The following C12orf42 variants were observed in gnomAD, a reference collection of about 807,000 sequenced individuals.
C12orf42 encodes uncharacterized protein C12orf42.
Under a neutral mutation model 21.6 loss-of-function variants are expected in C12orf42, and 25 were observed. That is an observed-to-expected ratio of 1.16 (90% confidence interval 0.84 to 1.62). The LOEUF is 1.62. Ranked by LOEUF, C12orf42 falls within the 40% of genes most tolerant of loss-of-function variation. The pLI, the probability that C12orf42 is intolerant of heterozygous loss-of-function variation, is 0.00. For missense variants in C12orf42, 483 were observed against 459.3 expected (o/e 1.05, Z -0.47); for synonymous variants, 174 against 175.0 (o/e 0.99, Z 0.05).
At chr12:103,186,105 GA>G in the C12orf42 span, among the ~76,000 whole-genome samples, 1 of 152,146 alleles carries the variant, frequency 6.6e-6, no homozygotes, top group Non-Finnish European at 1.5e-5. Flanking sequence ...ACATACAAAA[GA>G]AGTTATTAAT....
chr12:103,071,607 G>C, the C12orf42 span, among the ~76,000 whole-genome samples: 1 of 152,126 alleles, frequency 6.6e-6, no homozygotes, highest in Non-Finnish European at 1.5e-5. Context: ...TCTCATGGTA[G>C]TGAATAAGTC....
chr12:103,523,594 C>G, the C12orf42 span, among the ~76,000 whole-genome samples: 1 of 150,222 alleles, frequency 6.7e-6, no homozygotes, highest in South Asian at 2.1e-4. Flanking sequence ...TATATATATA[C>G]AGTTCATATA....
At chr12:103,216,402 G>A in the C12orf42 span, among the ~76,000 whole-genome samples, 1 of 148,258 alleles carries the variant, frequency 6.7e-6, no homozygotes, top group Non-Finnish European at 1.5e-5. Flanking sequence ...ACAGAGTCTC[G>A]CTCTGTCACC....
the C12orf42 span, among the ~76,000 whole-genome samples, chr12:103,526,238 T>C: frequency 6.6e-6 from 1 of 152,184 alleles, no homozygotes; most frequent in Non-Finnish European, 1.5e-5. Flanking sequence ...GAAGAAATAA[T>C]ATAATCTTCA....
intron 10 of C12orf42, among the ~76,000 whole-genome samples, chr12:103,246,923 G>A (rs1247625848): frequency 6.6e-6 from 1 of 151,890 alleles, no homozygotes; most frequent in African/African-American, 2.4e-5. Context: ...ATTCCTAGCA[G>A]GTATGCTTCA....
chr12:103,511,307 C>G, the C12orf42 span, among the ~76,000 whole-genome samples: 1 of 151,098 alleles, frequency 6.6e-6, no homozygotes, highest in Admixed American at 6.6e-5. Context: ...TAAAAGAGAA[C>G]AAAAACAAAT....
the C12orf42 span, among the ~76,000 whole-genome samples, chr12:103,227,486 G>A: frequency 6.6e-6 from 1 of 152,098 alleles, no homozygotes; most frequent in African/African-American, 2.4e-5. Flanking sequence ...AGAGGCTGGG[G>A]TGTGGAAATA....
At chr12:103,545,249 T>A in the C12orf42 span, among the ~76,000 whole-genome samples, 1 of 152,236 alleles carries the variant, frequency 6.6e-6, no homozygotes. Flanking sequence ...GGAATAAGAC[T>A]AGATACCAAC....
At chr12:103,232,719 A>AT (rs796601192), downstream of C12orf42, among the ~76,000 whole-genome samples, 1 of 151,812 alleles carries the variant, frequency 6.6e-6, no homozygotes, top group Non-Finnish European at 1.5e-5. Context: ...TCAAAAAAAA[A>AT]AAAAAAAAAG....
At chr12:103,404,874 TG>T (rs1177796680) in intron 2 of C12orf42, among the ~76,000 whole-genome samples, 33 of 152,372 alleles carry the variant, frequency 2.2e-4, no homozygotes, top group African/African-American at 7.5e-4. Context: ...TTCAGGTTTT[TG>T]TTCTGTTCAC....
At chr12:103,393,898 A>C (rs751805364) in intron 3 of C12orf42, among the ~76,000 whole-genome samples, 11 of 152,238 alleles carry the variant, frequency 7.2e-5, no homozygotes, top group Non-Finnish European at 1.5e-5. Context: ...GACTCTAGGC[A>C]GAGCAAATTC....
chr12:103,314,022 A>C (rs59259889), intron 4 of C12orf42, among the ~76,000 whole-genome samples: 12,594 of 152,270 alleles, frequency 0.083, 523 homozygotes, highest in East Asian at 0.18. Flanking sequence ...GAGACAGAGA[A>C]ACATGAGTGG....
At chr12:103,122,310 G>A in the C12orf42 span, among the ~76,000 whole-genome samples, 1 of 152,346 alleles carries the variant, frequency 6.6e-6, no homozygotes, top group African/African-American at 2.4e-5. Context: ...CATTAGGGAG[G>A]AGAGCTAACA....
downstream of C12orf42, among the ~76,000 whole-genome samples, chr12:103,299,765 C>T (rs562692507): frequency 1.3e-4 from 20 of 152,150 alleles, no homozygotes; most frequent in Non-Finnish European, 2.4e-4. Flanking sequence ...GGAAAGAATT[C>T]ACTACATTTA....
At chr12:103,068,595 G>T in the C12orf42 span, among the ~76,000 whole-genome samples, 4 of 151,878 alleles carry the variant, frequency 2.6e-5, no homozygotes, top group South Asian at 6.2e-4. Context: ...TCAGTGGGCT[G>T]GGAAAGGCAG....
At chr12:103,294,613 A>C in intron 4 of C12orf42, among the ~76,000 whole-genome samples, 1 of 146,620 alleles carries the variant, frequency 6.8e-6, no homozygotes, top group Non-Finnish European at 1.5e-5. Flanking sequence ...AGAAAGAAAG[A>C]AAGAAAGAAA....
rs1408015429 is a variant in C12orf42 at position 103,465,453 on chromosome 12, TC to T, written c.78+12895del. Among the ~76,000 whole-genome samples the T allele has an allele frequency of 3.9e-5, 6 of 152,352 alleles. No individual in the cohort carries two copies. The East Asian group carries it at 1.2e-3, about 29-fold the overall frequency. Reference sequence around the variant, plus strand: ...GTGATTTTTGCACATTGATTTTGTATCCTGAGACTTTGCTGAAGTTGCTTAT... The same window carrying T: ...GTGATTTTTGCACATTGATTTTGTATCTGAGACTTTGCTGAAGTTGCTTAT... On this transcript the variant is annotated intron_variant, in intron 2 of 5. Coordinates refer to ENST00000548883, the MANE Select transcript of C12orf42 (RefSeq NM_198521.5).
chr12:103,400,537 C>A (rs1346219842), intron 3 of C12orf42, among the ~76,000 whole-genome samples: 1 of 152,194 alleles, frequency 6.6e-6, no homozygotes, highest in African/African-American at 2.4e-5. Context: ...TAATGAAACA[C>A]CATATTGCAG....
chr12:103,469,635 AC>A (rs1467474898), intron 2 of C12orf42, among the ~76,000 whole-genome samples: 1 of 152,248 alleles, frequency 6.6e-6, no homozygotes, highest in Non-Finnish European at 1.5e-5. Context: ...ACATCCTTAT[AC>A]AGAAATCTTG....
Sources: allele counts gnomAD v4.1 joint callset (sites outside exome capture counted in the v4.1 genomes callset), GRCh38; gene constraint gnomAD v4.1.1; transcripts MANE v1.5; gene names NCBI Gene and HGNC (gene_info 2026-07-23, HGNC 2026-07-21).